GRID1: variants seen among roughly 807,000 people sequenced by gnomAD.
GRID1 encodes glutamate ionotropic receptor delta type subunit 1, also known as glutamate receptor ionotropic, delta-1.
Under a neutral mutation model 98.0 loss-of-function variants are expected in GRID1, and 28 were observed. That is an observed-to-expected ratio of 0.29 (90% CI 0.21 to 0.39). GRID1 has a LOEUF of 0.39. Among genes scored for constraint, GRID1 ranks in the 10% least tolerant of loss-of-function variants. GRID1 has a pLI of 1.00. For missense variants in GRID1, 1,111 were observed against 1,340.5 expected, an observed-to-expected ratio of 0.83 and a Z score of 2.67; for synonymous variants, 553 against 538.5, an observed-to-expected ratio of 1.03 and a Z score of -0.37.
At chr10:85,879,659 A>G (rs1840968338) in intron 5 of GRID1, among the ~76,000 whole-genome samples, 1 of 152,198 alleles carries the variant, frequency 6.6e-6, no homozygotes, top group Admixed American at 6.5e-5. Context: ...AATGCCCACA[A>G]GAGAAAGCAG....
intron 8 of GRID1, among the ~76,000 whole-genome samples, chr10:85,731,460 C>T (rs1841820426): frequency 9.7e-6 from 1 of 103,562 alleles, no homozygotes; most frequent in African/African-American, 5.3e-5. Flanking sequence ...GGTAATGATA[C>T]AGTTAAAAAA....
At chr10:86,022,614 T>C (rs947968406) in intron 4 of GRID1, among the ~76,000 whole-genome samples, 3 of 152,048 alleles carry the variant, frequency 2.0e-5, no homozygotes, top group African/African-American at 7.2e-5. Context: ...GGGGAATGGA[T>C]GGTGTCAAAA....
intron 8 of GRID1, among the ~76,000 whole-genome samples, chr10:85,754,778 C>T (rs1330043253): frequency 3.9e-5 from 6 of 152,158 alleles, no homozygotes; most frequent in African/African-American, 1.4e-4. Context: ...ATTCTAGTTC[C>T]TCCCCTTGCA....
chr10:85,976,592 C>G (rs1842476261), intron 4 of GRID1, among the ~76,000 whole-genome samples: 1 of 152,238 alleles, frequency 6.6e-6, no homozygotes, highest in South Asian at 2.1e-4. Flanking sequence ...CTCCCCGGCC[C>G]CTTGCCCCCG....
chr10:86,051,484 T>C (rs576890274), intron 4 of GRID1, among the ~76,000 whole-genome samples: 3 of 151,006 alleles, frequency 2.0e-5, no homozygotes, highest in Admixed American at 6.6e-5. Flanking sequence ...TTTTACCATA[T>C]ATAAATCAAA....
chr10:86,239,801 G>C (rs1050613802), intron 2 of GRID1, among the ~76,000 whole-genome samples: 7 of 152,170 alleles, frequency 4.6e-5, no homozygotes, highest in Non-Finnish European at 1.0e-4. Context: ...ATACAGCCCA[G>C]AGAAACAATT....
chr10:85,846,717 T>C (rs1590262363), intron 8 of GRID1, among the ~76,000 whole-genome samples: 3 of 152,086 alleles, frequency 2.0e-5, no homozygotes, highest in Non-Finnish European at 4.4e-5. Flanking sequence ...GAGGGAGATA[T>C]GTCAACAGCT....
intron 5 of GRID1, among the ~76,000 whole-genome samples, chr10:85,901,367 C>T (rs1051857575): frequency 2.0e-5 from 3 of 152,076 alleles, no homozygotes; most frequent in African/African-American, 7.2e-5. Context: ...CCACCTCAGC[C>T]TCCCGAGTAG....
At chr10:85,675,752 G>T (rs1249778216) in intron 12 of GRID1, among the ~76,000 whole-genome samples, 1 of 152,184 alleles carries the variant, frequency 6.6e-6, no homozygotes, top group East Asian at 1.9e-4. Flanking sequence ...CATGCAGCCT[G>T]GTGTGACATT....
At position 86,285,007 on chromosome 10, in the gene GRID1, C is replaced by T. The variant is rs188023308; in HGVS notation, c.236-78359G>A. Among the ~76,000 whole-genome samples the T allele has an allele frequency of 1.5e-3, 229 of 151,942 alleles. 1 individual carries two copies. Among genetic ancestry groups the T allele is most frequent in the Admixed American group, 6.0e-3 (92 of 15,264 alleles). ...GTTGCTGGAAGGTACGAGACCATGC[C>T]ATGCCTCTCCAGCCCACAGGTGGAC... On this transcript the variant is annotated intron_variant, in intron 2 of 15. Transcript: ENST00000327946.
intron 3 of GRID1, among the ~76,000 whole-genome samples, chr10:86,176,170 G>C (rs552595129): frequency 5.3e-5 from 8 of 152,238 alleles, no homozygotes; most frequent in African/African-American, 1.9e-4. Flanking sequence ...TGAGTTCTGG[G>C]CTAGATGCTG....
At chr10:85,732,073 G>C (rs931712330) in intron 8 of GRID1, among the ~76,000 whole-genome samples, 1 of 152,134 alleles carries the variant, frequency 6.6e-6, no homozygotes, top group African/African-American at 2.4e-5. Context: ...TGGGGTCAAG[G>C]GGTTGATTGC....
In GRID1 at chr10:85,722,990, G is replaced by T; in HGVS notation, c.1997+13C>A. The T allele has an allele frequency of 6.2e-7, 1 of 1,603,790 alleles. No individual in the cohort carries two copies. Among genetic ancestry groups the T allele is most frequent in the South Asian group, 1.1e-5 (1 of 88,314 alleles). On this transcript the variant is annotated intron_variant, in intron 12 of 15. Coordinates refer to ENST00000327946, the MANE Select transcript of GRID1 (RefSeq NM_017551.3). ...TGAGCTGCTGGCTCCAGATCAAGGA[G>T]GAATAGGCTTACCTTATGGGGTTGT...
At position 86,121,156 on chromosome 10, in the gene GRID1, G is replaced by A. The variant is rs533605947; in HGVS notation, c.726+17663C>T. ...CAGACAACATCGTAAGTCAGGGAGG[G>A]GAAGCTGAGCTGCTGTGGACCAGGA... On this transcript the variant is annotated intron_variant, in intron 4 of 15. Transcript: ENST00000327946. Among the ~76,000 whole-genome samples the A allele has an allele frequency of 9.9e-4, 150 of 152,238 alleles. No individual in the cohort carries two copies. The Middle Eastern group carries it at 0.01, about 10-fold the overall frequency.
At chr10:85,744,163 G>T (rs1012039534) in intron 8 of GRID1, among the ~76,000 whole-genome samples, 5 of 152,116 alleles carry the variant, frequency 3.3e-5, no homozygotes, top group African/African-American at 1.2e-4. Flanking sequence ...TTAAAATGCT[G>T]CCTTGAAGAC....
At chr10:85,921,230 C>A (rs1208269286) in intron 4 of GRID1, among the ~76,000 whole-genome samples, 2 of 152,206 alleles carry the variant, frequency 1.3e-5, no homozygotes, top group Non-Finnish European at 2.9e-5. Flanking sequence ...CGTGTGTTGA[C>A]TTATGTGTAT....
At chr10:86,028,916 G>A (rs1843150419) in intron 4 of GRID1, among the ~76,000 whole-genome samples, 1 of 152,152 alleles carries the variant, frequency 6.6e-6, no homozygotes, top group Non-Finnish European at 1.5e-5. Flanking sequence ...TGGGAGGCAA[G>A]AAAGCTGATT....
intron 4 of GRID1, among the ~76,000 whole-genome samples, chr10:85,999,211 C>CAAA (rs60210628): frequency 7.7e-6 from 1 of 130,050 alleles, no homozygotes; most frequent in African/African-American, 2.9e-5. Context: ...GACTCTATTT[C>CAAA]AAAAAAAAAA....
At chr10:86,360,685 C>T (rs905665411) in intron 2 of GRID1, among the ~76,000 whole-genome samples, 2 of 152,180 alleles carry the variant, frequency 1.3e-5, no homozygotes, top group African/African-American at 4.8e-5. Context: ...GAACACCCAC[C>T]GCAGGCCTTA....
Sources: gnomAD v4.1 joint callset for allele counts (sites outside exome capture counted in the v4.1 genomes callset) on GRCh38, gnomAD v4.1.1 for gene constraint, MANE v1.5 for transcripts, NCBI Gene and HGNC (gene_info 2026-07-23, HGNC 2026-07-21) for gene names.